The following LMNTD1 variants were observed in gnomAD, a reference collection of about 807,000 sequenced individuals.
LMNTD1 encodes the protein lamin tail domain-containing protein 1.
A neutral mutation model predicts 50.9 loss-of-function variants in LMNTD1; 35 were observed. That is an observed-to-expected ratio of 0.69 (90% confidence interval 0.53 to 0.91). The LOEUF (loss-of-function observed/expected upper bound fraction) is 0.91, where lower values mean the gene tolerates loss of function less well. Ranked by LOEUF, LMNTD1 falls within the 40% of genes least tolerant of loss-of-function variation. The probability of loss-of-function intolerance (pLI) is 0.00; values close to 1 mark genes in which losing one functional copy is unlikely to be tolerated. For missense variants in LMNTD1, 470 were observed against 475.5 expected (o/e 0.99, Z 0.11); for synonymous variants, 153 against 161.9 (o/e 0.94, Z 0.42).
At chr12:25,603,289 G>C (rs1448167543) in intron 1 of LMNTD1, among the ~76,000 whole-genome samples, 4 of 152,106 alleles carry the variant, frequency 2.6e-5, no homozygotes, top group East Asian at 1.9e-4. Flanking sequence ...TTGAAAAATA[G>C]TTATCTACCT....
In LMNTD1 at chr12:25,635,252, GA is replaced by G. The variant is rs61645838; in HGVS notation, c.58+13241del. 2.8e-3 allele frequency among the ~76,000 whole-genome samples: 357 copies of G among 128,044 alleles called. 3 individuals carry two copies. The highest frequency in any genetic ancestry group is 9.4e-3 in the African/African-American group (318 of 33,906). 84.0% of individuals were successfully genotyped at this position (128,044 alleles called of 152,430 possible). ...TGAAACTCTGTCTCAAAAAAAAAAA[GA>G]AAAAAAAAAAAAAGAATTCAGTAAA... On this transcript the variant is annotated intron_variant, in intron 1 of 7. Coordinates refer to the LMNTD1 transcript ENST00000445693.
At chr12:25,608,278 C>T (rs1207706710) in intron 1 of LMNTD1, among the ~76,000 whole-genome samples, 1 of 152,216 alleles carries the variant, frequency 6.6e-6, no homozygotes, top group Non-Finnish European at 1.5e-5. Context: ...GATCTTGACT[C>T]TTAATCCAAT....
upstream of LMNTD1, among the ~76,000 whole-genome samples, chr12:25,554,619 C>T (rs1481146994): frequency 2.6e-5 from 4 of 152,192 alleles, no homozygotes; most frequent in Non-Finnish European, 4.4e-5. Flanking sequence ...TGATAGTAGT[C>T]ATTAAAGATT....
At chr12:25,583,490 A>T (rs1288426468) in intron 1 of LMNTD1, among the ~76,000 whole-genome samples, 1 of 152,130 alleles carries the variant, frequency 6.6e-6, no homozygotes, top group African/African-American at 2.4e-5. Flanking sequence ...CAATATAGGA[A>T]CACAGATTTT....
intron 1 of LMNTD1, among the ~76,000 whole-genome samples, chr12:25,613,905 A>G (rs1946297637): frequency 6.6e-6 from 1 of 151,966 alleles, no homozygotes; most frequent in Admixed American, 6.6e-5. Context: ...CAGATTCCTA[A>G]ATACAGCTGG....
chr12:25,559,810 T>A (rs1387418776), intron 1 of LMNTD1, among the ~76,000 whole-genome samples: 1 of 152,244 alleles, frequency 6.6e-6, no homozygotes, highest in Non-Finnish European at 1.5e-5. Flanking sequence ...TGATGAACAT[T>A]TTTTCACGTG....
At position 25,541,425 on chromosome 12, in the gene LMNTD1, C is replaced by G. The variant is rs947333016; in HGVS notation, c.491+4949G>C. On this transcript the variant is annotated intron_variant, in intron 4 of 9. Transcript: ENST00000458174. ...CCTCAGAAATAACGCCACATATCTACAACTATCTGATCTTTGACAAACCTG... is the reference window on the plus strand; with the variant it reads ...CCTCAGAAATAACGCCACATATCTAGAACTATCTGATCTTTGACAAACCTG... Among the ~76,000 whole-genome samples the G allele has an allele frequency of 4.8e-5, 7 of 144,352 alleles. 1 individual carries two copies. Among genetic ancestry groups the G allele is most frequent in the African/African-American group, 1.8e-4 (7 of 39,582 alleles). 94.7% of individuals were successfully genotyped at this position (144,352 alleles called of 152,430 possible).
At chr12:25,511,461 T>C (rs1940290334) in intron 8 of LMNTD1, among the ~76,000 whole-genome samples, 1 of 152,170 alleles carries the variant, frequency 6.6e-6, no homozygotes, top group Non-Finnish European at 1.5e-5. Context: ...GTTCTGAACA[T>C]TCTGAGAATG....
intron 8 of LMNTD1, among the ~76,000 whole-genome samples, chr12:25,505,694 T>C (rs1157482286): frequency 6.6e-6 from 1 of 152,188 alleles, no homozygotes. Flanking sequence ...GTTAGTATTT[T>C]GCAATGTTCC....
chr12:25,552,780 G>C, intron 2 of LMNTD1, 91 bp downstream of exon 2: 6 of 757,424 alleles, frequency 7.9e-6, no homozygotes. Flanking sequence ...TGGTTCATAA[G>C]AGTATTGAAA....
At position 25,519,923 on chromosome 12, in the gene LMNTD1, T is replaced by C. The variant is rs762063060; in HGVS notation, c.951A>G (p.Lys317=). 2 of 1,613,128 alleles carry C rather than the reference T, an allele frequency of 1.2e-6. No individual in the cohort carries two copies. Among genetic ancestry groups the C allele is most frequent in the Non-Finnish European group, 1.7e-6 (2 of 1,179,592 alleles). ...TASTATITKE[K]QDQPKKDISN... ...AGATATCTTTCTTAGGTTGATCTTG[T>C]TTTTCTTTAGTTATTGTAGCTGTAG... The change falls in exon 7 of 10, where the codon AAA becomes AAG. Residue 317 remains lysine (K), a synonymous_variant. Coordinates refer to ENST00000458174, the MANE Select transcript of LMNTD1 (RefSeq NM_001145728.2).
chr12:25,498,676 A>G (rs554238935), intron 9 of LMNTD1, among the ~76,000 whole-genome samples: 15 of 152,332 alleles, frequency 9.8e-5, no homozygotes, highest in African/African-American at 3.4e-4. Context: ...TTTTTTCTCA[A>G]CTGCTTAGAA....
intron 4 of LMNTD1, among the ~76,000 whole-genome samples, chr12:25,535,320 T>C (rs1396872827): frequency 1.3e-5 from 2 of 152,092 alleles, no homozygotes; most frequent in Non-Finnish European, 2.9e-5. Flanking sequence ...TAGTAAACTA[T>C]GGTACAACTT....
At chr12:25,631,878 C>CA (rs1403059904) in intron 1 of LMNTD1, among the ~76,000 whole-genome samples, 1 of 151,958 alleles carries the variant, frequency 6.6e-6, no homozygotes, top group Non-Finnish European at 1.5e-5. Context: ...AGGTGAAGCC[C>CA]AATCTAAGGA....
chr12:25,479,156 G>A (rs1769527547), intron 9 of LMNTD1, among the ~76,000 whole-genome samples: 1 of 152,166 alleles, frequency 6.6e-6, no homozygotes, highest in Admixed American at 6.6e-5. Context: ...AAGGTAGGAG[G>A]AGCCCAAAGT....
At chr12:25,508,537 C>A (rs1393759483) in intron 8 of LMNTD1, among the ~76,000 whole-genome samples, 1 of 152,074 alleles carries the variant, frequency 6.6e-6, no homozygotes, top group Non-Finnish European at 1.5e-5. Flanking sequence ...TGATGAACAC[C>A]TGGATTGCTT....
intron 8 of LMNTD1, among the ~76,000 whole-genome samples, chr12:25,514,709 C>T (rs368176043): frequency 3.3e-5 from 5 of 152,082 alleles, no homozygotes; most frequent in African/African-American, 4.8e-5. Flanking sequence ...CTTGAGGGAA[C>T]GGATAATCCC....
At chr12:25,590,638 A>G (rs117153692) in intron 1 of LMNTD1, among the ~76,000 whole-genome samples, 9 of 151,884 alleles carry the variant, frequency 5.9e-5, no homozygotes, top group Non-Finnish European at 1.2e-4. Flanking sequence ...TTAAAAACAG[A>G]CCCCTTGCCT....
upstream of LMNTD1, chr12:25,553,378 G>T: frequency 1.7e-6 from 1 of 604,408 alleles, no homozygotes; most frequent in Non-Finnish European, 2.5e-6. Context: ...CTATGTTGAT[G>T]CTGTACCTTC....
Sources: gnomAD v4.1 joint callset for allele counts (sites outside exome capture counted in the v4.1 genomes callset) on GRCh38, gnomAD v4.1.1 for gene constraint, MANE v1.5 for transcripts, NCBI Gene and HGNC (gene_info 2026-07-23, HGNC 2026-07-21) for gene names.